The following NTRK2 variants were observed in gnomAD, a reference collection of about 807,000 sequenced individuals.
The protein encoded by NTRK2 is neurotrophic receptor tyrosine kinase 2, also known as BDNF/NT-3 growth factors receptor.
A neutral mutation model predicts 94.5 loss-of-function variants in NTRK2; 13 were observed. The observed-to-expected ratio is 0.14, with a 90% CI of 0.09 to 0.22. The LOEUF (loss-of-function observed/expected upper bound fraction) is 0.22. Ranked by LOEUF, NTRK2 falls within the 10% of genes least tolerant of loss-of-function variation. The pLI is 1.00. For missense variants in NTRK2, 639 were observed against 1,071.2 expected (o/e 0.60, Z 5.63); for synonymous variants, 372 against 407.4 (o/e 0.91, Z 1.05).
At position 84,670,915 on chromosome 9, in the gene NTRK2, C is replaced by G. The variant is rs2058659300; in HGVS notation, c.167C>G (p.Pro56Arg). 6.2e-7 allele frequency: 1 copy of G among 1,610,176 alleles called. No individual in the cohort carries two copies. The highest frequency in any genetic ancestry group is 8.5e-7 in the Non-Finnish European group (1 of 1,180,004). Residue 56 changes from proline (P) to arginine (R), a missense_variant, in exon 2 of 19, where the codon CCG becomes CGG. Coordinates refer to ENST00000277120, the MANE Select transcript of NTRK2 (RefSeq NM_006180.6). ...SDPSPGIVAF[P>R]RLEPNSVDPE... is the part of the protein sequence containing the mutation. ...CCTTCTCCTGGCATCGTGGCATTTC[C>G]GAGATTGGAGCCTAACAGTGTAGAT... is the stretch of plus-strand genomic sequence containing the variant.
intron 12 of NTRK2, among the ~76,000 whole-genome samples, chr9:84,821,131 T>G (rs1252211077): frequency 6.6e-6 from 1 of 152,174 alleles, no homozygotes; most frequent in Non-Finnish European, 1.5e-5. Context: ...TTATCTTTTT[T>G]TAAAAAAATC....
intron 12 of NTRK2, among the ~76,000 whole-genome samples, chr9:84,801,811 T>C (rs578042850): frequency 1.4e-4 from 21 of 152,360 alleles, no homozygotes; most frequent in Non-Finnish European, 1.0e-4. Context: ...AAATGATGGA[T>C]GGTAAATGGC....
At chr9:84,825,578 GA>G (rs1286041581) in intron 12 of NTRK2, among the ~76,000 whole-genome samples, 3 of 152,176 alleles carry the variant, frequency 2.0e-5, no homozygotes, top group African/African-American at 7.2e-5. Context: ...GTGACTAGGA[GA>G]TTTAAGTGGA....
intron 12 of NTRK2, among the ~76,000 whole-genome samples, chr9:84,849,205 A>G (rs1705430493): frequency 6.6e-6 from 1 of 152,142 alleles, no homozygotes; most frequent in Admixed American, 6.6e-5. Flanking sequence ...GGGGGACTCT[A>G]TTCATTTCAG....
At chr9:84,829,306 C>T (rs572212463) in intron 12 of NTRK2, among the ~76,000 whole-genome samples, 2 of 152,146 alleles carry the variant, frequency 1.3e-5, no homozygotes, top group South Asian at 4.2e-4. Context: ...GCCCAGAGAT[C>T]AATTTTCACA....
chr9:84,728,143 A>AG (rs2062590963), intron 9 of NTRK2, among the ~76,000 whole-genome samples, 184 bp downstream of exon 9: 1 of 152,172 alleles, frequency 6.6e-6, no homozygotes. Context: ...TGTGGAATTC[A>AG]GGGTCATGAA....
chr9:84,985,559 A>G (rs1828188957), intron 17 of NTRK2, among the ~76,000 whole-genome samples: 5 of 152,212 alleles, frequency 3.3e-5, no homozygotes, highest in Admixed American at 2.0e-4. Flanking sequence ...AGTGATATCT[A>G]CCCACTGATT....
At chr9:84,866,299 C>G (rs2075590527) in intron 13 of NTRK2, among the ~76,000 whole-genome samples, 1 of 152,190 alleles carries the variant, frequency 6.6e-6, no homozygotes. Context: ...TTAATACATA[C>G]TCATGAAGCA....
At chr9:84,674,560 G>T (rs182275532) in intron 2 of NTRK2, among the ~76,000 whole-genome samples, 21 of 152,258 alleles carry the variant, frequency 1.4e-4, no homozygotes, top group African/African-American at 5.1e-4. Context: ...CCCTCCATTG[G>T]GGGTTTTAGA....
intron 12 of NTRK2, among the ~76,000 whole-genome samples, chr9:84,761,992 G>A (rs747540628): frequency 1.3e-5 from 2 of 152,050 alleles, no homozygotes; most frequent in African/African-American, 2.4e-5. Context: ...TGCTGTTCTC[G>A]TGATAGTGAA....
intron 14 of NTRK2, among the ~76,000 whole-genome samples, chr9:84,926,912 A>T (rs1273228685): frequency 6.6e-6 from 1 of 152,166 alleles, no homozygotes; most frequent in South Asian, 2.1e-4. Context: ...TTGGGTGAAG[A>T]TAGCTTTTGT....
chr9:84,714,212 C>T (rs758251702), intron 6 of NTRK2, among the ~76,000 whole-genome samples: 3 of 152,198 alleles, frequency 2.0e-5, no homozygotes, highest in Admixed American at 6.5e-5. Context: ...CACAATCTCT[C>T]GTGAGTCATT....
intron 2 of NTRK2, among the ~76,000 whole-genome samples, chr9:84,692,018 C>T (rs188506389): frequency 5.9e-5 from 9 of 152,258 alleles, no homozygotes; most frequent in Admixed American, 2.0e-4. Context: ...GTGGCTTAAA[C>T]GTCAACTTTT....
rs867821032 is a variant in NTRK2 at position 84,713,602 on chromosome 9, A to G, written c.583+2811A>G. 2.6e-5 allele frequency among the ~76,000 whole-genome samples: 4 copies of G among 152,276 alleles called. 1 individual carries two copies. The Middle Eastern group carries it at 0.014, about 518-fold the overall frequency. Reference sequence around the variant, plus strand: ...TAATACTTCTTTCATAGAAATTAAAAAAATAAAATCAAGTTCTTGGGTGGT... The same window carrying G: ...TAATACTTCTTTCATAGAAATTAAAGAAATAAAATCAAGTTCTTGGGTGGT... On this transcript the variant is annotated intron_variant, in intron 6 of 18. Coordinates refer to ENST00000277120, the MANE Select transcript of NTRK2 (RefSeq NM_006180.6).
intron 14 of NTRK2, among the ~76,000 whole-genome samples, chr9:84,922,630 A>C (rs904173541): frequency 1.3e-5 from 2 of 152,090 alleles, no homozygotes; most frequent in Admixed American, 6.6e-5. Context: ...TACATCCCCA[A>C]AATGGGGACA....
At chr9:85,018,629 G>C (rs183635908) in intron 17 of NTRK2, among the ~76,000 whole-genome samples, 1 of 152,308 alleles carries the variant, frequency 6.6e-6, no homozygotes, top group African/African-American at 2.4e-5. Context: ...GTTATAAACA[G>C]GGCAGATATT....
intron 11 of NTRK2, among the ~76,000 whole-genome samples, chr9:84,749,958 A>G (rs1418798810): frequency 1.3e-5 from 2 of 152,208 alleles, no homozygotes; most frequent in South Asian, 2.1e-4. Context: ...CATTTCGTGT[A>G]TTGGCTAGGA....
chr9:84,955,254 C>A, intron 16 of NTRK2, 29 bp from the exon 17 acceptor site: 3 of 1,560,208 alleles, frequency 1.9e-6, no homozygotes, highest in South Asian at 1.2e-5. Flanking sequence ...GCTGAGGCCC[C>A]CAGCTTCATT....
intron 11 of NTRK2, among the ~76,000 whole-genome samples, chr9:84,745,806 G>A (rs1358222126): frequency 6.6e-6 from 1 of 152,150 alleles, no homozygotes; most frequent in East Asian, 1.9e-4. Flanking sequence ...GGACAGCAGG[G>A]TTGGAGATAA....
Sources: gnomAD v4.1 joint callset for allele counts (sites outside exome capture counted in the v4.1 genomes callset) on GRCh38, gnomAD v4.1.1 for gene constraint, MANE v1.5 for transcripts, NCBI Gene and HGNC (gene_info 2026-07-23, HGNC 2026-07-21) for gene names.